Variants in BABAM2 observed in about 807,000 individuals in gnomAD.
BABAM2 encodes BRISC and BRCA1 A complex member 2.
A neutral mutation model predicts 54.7 loss-of-function variants in BABAM2; 31 were observed. The ratio of observed to expected loss-of-function variants is 0.57; its 90% CI spans 0.43 to 0.77. The LOEUF (loss-of-function observed/expected upper bound fraction) is 0.77, where lower values mean the gene tolerates loss of function less well. Ranked by LOEUF, BABAM2 falls within the 30% of genes least tolerant of loss-of-function variation. The pLI is 0.00. For missense variants in BABAM2, 364 were observed against 455.8 expected, an observed-to-expected ratio of 0.80 and a Z score of 1.83; for synonymous variants, 167 against 162.9, an observed-to-expected ratio of 1.03 and a Z score of -0.19.
At chr2:28,169,277 C>T (rs957798775) in intron 7 of BABAM2, among the ~76,000 whole-genome samples, 2 of 152,118 alleles carry the variant, frequency 1.3e-5, no homozygotes, top group African/African-American at 2.4e-5. Context: ...TTTTATTTTA[C>T]TCTAAGTAGT....
intron 2 of BABAM2, among the ~76,000 whole-genome samples, chr2:27,915,338 C>G (rs1666885758): frequency 6.6e-6 from 1 of 152,200 alleles, no homozygotes; most frequent in Admixed American, 6.5e-5. Flanking sequence ...CAAGTGCTCT[C>G]TGTGTGCCAG....
chr2:28,247,040 A>C (rs1050489119), intron 10 of BABAM2, among the ~76,000 whole-genome samples: 3 of 152,182 alleles, frequency 2.0e-5, no homozygotes, highest in African/African-American at 7.2e-5. Flanking sequence ...TGAGTCCCAA[A>C]GTCATCTTTT....
At chr2:28,111,693 T>C (rs1157967281) in intron 6 of BABAM2, among the ~76,000 whole-genome samples, 2 of 152,228 alleles carry the variant, frequency 1.3e-5, no homozygotes, top group Non-Finnish European at 2.9e-5. Flanking sequence ...GTTTTCTTTT[T>C]CTTAATTGTC....
chr2:28,077,159 A>G (rs1022409377), intron 6 of BABAM2, among the ~76,000 whole-genome samples: 3 of 152,238 alleles, frequency 2.0e-5, no homozygotes, highest in African/African-American at 7.2e-5. Context: ...GTAATTAATA[A>G]TTAATAGGAA....
At chr2:28,099,530 G>C (rs532905529) in intron 6 of BABAM2, among the ~76,000 whole-genome samples, 1 of 152,288 alleles carries the variant, frequency 6.6e-6, no homozygotes, top group African/African-American at 2.4e-5. Context: ...TGCAGTACAA[G>C]AACAAAACTC....
Position 28,298,342 on chromosome 2 carries a change from C to G in BABAM2, c.939C>G (p.Asp313Glu), listed in dbSNP as rs778676518. 4 of 1,613,660 alleles carry G rather than the reference C, an allele frequency of 2.5e-6. No homozygotes were observed. The highest frequency in any genetic ancestry group is 3.4e-6 in the Non-Finnish European group (4 of 1,179,826). Residue 313 changes from aspartate to glutamate, a missense_variant, in exon 11 of 12, where the codon GAC (aspartate) becomes GAG (glutamate). Asp to Glu is a conservative substitution (Grantham distance 45). Coordinates refer to ENST00000379624, the MANE Select transcript of BABAM2 (RefSeq NM_199191.3). ...WKDFCFLVHI[D>E]LPLFFPRDQP... is the part of the protein sequence containing the mutation. ...TTCTTTCTTCTGTCTTTGCAGTTGA[C>G]CTGCCTCTGTTTTTCCCTCGAGACC...
At chr2:27,966,574 A>G (rs1418136309) in intron 3 of BABAM2, among the ~76,000 whole-genome samples, 1 of 152,302 alleles carries the variant, frequency 6.6e-6, no homozygotes, top group South Asian at 2.1e-4. Context: ...GCATGACCAG[A>G]TGTTTCAGGC....
At chr2:28,269,971 CATT>C (rs1685287534) in intron 10 of BABAM2, among the ~76,000 whole-genome samples, 1 of 151,932 alleles carries the variant, frequency 6.6e-6, no homozygotes, top group African/African-American at 2.4e-5. Flanking sequence ...ATTGTCTTGA[CATT>C]ATTTATAGCC....
chr2:27,925,677 G>C (rs1022298298), intron 2 of BABAM2, among the ~76,000 whole-genome samples: 3 of 152,140 alleles, frequency 2.0e-5, no homozygotes, highest in African/African-American at 7.2e-5. Flanking sequence ...GGGCAGCAGA[G>C]CTCCTCATCC....
rs540144807 is a variant in BABAM2 at position 28,056,022 on chromosome 2, A to G, written c.570+10223A>G. Among the ~76,000 whole-genome samples the G allele has an allele frequency of 3.8e-4, 58 of 152,306 alleles. No homozygotes were observed. In the South Asian group the frequency reaches 8.1e-3, roughly 21 times the overall value. On this transcript the variant is annotated intron_variant, in intron 6 of 11. Coordinates refer to ENST00000379624, the MANE Select transcript of BABAM2 (RefSeq NM_199191.3). ...AAAAGTATTGCATGATCTCGCTTGT[A>G]TGTAGAATCTTAAAAAAAATTTCAA...
intron 7 of BABAM2, among the ~76,000 whole-genome samples, chr2:28,172,398 C>T (rs934489406): frequency 6.6e-6 from 1 of 152,078 alleles, no homozygotes; most frequent in African/African-American, 2.4e-5. Context: ...GCTCCCTACC[C>T]ACCCCGTGTG....
At chr2:27,957,008 CAGTATGCCTAA>C (rs1172660058) in intron 3 of BABAM2, among the ~76,000 whole-genome samples, 1 of 152,170 alleles carries the variant, frequency 6.6e-6, no homozygotes, top group East Asian at 1.9e-4. Context: ...TGTTGCTCGA[CAGTATGCCTAA>C]AGTATATCAT....
intron 10 of BABAM2, among the ~76,000 whole-genome samples, chr2:28,248,580 A>C (rs1683125209): frequency 1.3e-5 from 2 of 152,138 alleles, no homozygotes; most frequent in South Asian, 4.1e-4. Flanking sequence ...AACAAAAAAA[A>C]TCCTCTGGGG....
chr2:28,081,194 G>A (rs11682011), intron 6 of BABAM2, among the ~76,000 whole-genome samples: 47,923 of 152,072 alleles, frequency 0.32, 7,940 homozygotes, highest in South Asian at 0.52. Context: ...GTCACAGAGC[G>A]CCTGCTTCCA....
chr2:27,961,079 A>G (rs900273767), intron 3 of BABAM2, among the ~76,000 whole-genome samples: 3 of 152,068 alleles, frequency 2.0e-5, no homozygotes, highest in African/African-American at 7.2e-5. Context: ...AGGAGTAACA[A>G]CTTGTGGTTG....
At chr2:28,273,593 C>T (rs571112674) in intron 10 of BABAM2, among the ~76,000 whole-genome samples, 1 of 152,264 alleles carries the variant, frequency 6.6e-6, no homozygotes, top group East Asian at 1.9e-4. Context: ...GTGGCATGGA[C>T]TTGTAGTCCC....
At chr2:27,932,249 T>C (rs1668149480) in intron 3 of BABAM2, among the ~76,000 whole-genome samples, 1 of 152,212 alleles carries the variant, frequency 6.6e-6, no homozygotes, top group South Asian at 2.1e-4. Context: ...TTAGGTATCT[T>C]AATTTCTAGG....
chr2:28,179,608 G>C (rs1675400646), intron 7 of BABAM2, among the ~76,000 whole-genome samples: 1 of 152,166 alleles, frequency 6.6e-6, no homozygotes, highest in Admixed American at 6.5e-5. Context: ...GGTCAACATG[G>C]TACTGGAAGT....
upstream of BABAM2, among the ~76,000 whole-genome samples, chr2:27,889,267 A>T (rs377431476): frequency 3.3e-5 from 5 of 152,326 alleles, no homozygotes; most frequent in East Asian, 7.7e-4. Flanking sequence ...TTGGTGACTT[A>T]TTTTGATTGT....
Sources: allele counts gnomAD v4.1 joint callset (sites outside exome capture counted in the v4.1 genomes callset), GRCh38; gene constraint gnomAD v4.1.1; transcripts MANE v1.5; gene names NCBI Gene and HGNC (gene_info 2026-07-23, HGNC 2026-07-21).